SEC22A: variants seen among roughly 807,000 people sequenced by gnomAD.
SEC22A encodes SEC22 homolog A, vesicle trafficking protein, also known as vesicle-trafficking protein SEC22a.
Under a neutral mutation model 35.3 loss-of-function variants are expected in SEC22A, and 22 were observed. The ratio of observed to expected loss-of-function variants is 0.62; its 90% CI spans 0.45 to 0.89. The LOEUF is 0.89. SEC22A is among the 40% of genes least tolerant of loss of function. SEC22A has a pLI of 0.00. For missense variants in SEC22A, 354 were observed against 362.5 expected (o/e 0.98, Z 0.19); for synonymous variants, 119 against 129.5 (o/e 0.92, Z 0.55).
chr3:123,209,733 A>G lies in SEC22A; in HGVS notation c.182+334A>G, dbSNP rs566758341. Among the ~76,000 whole-genome samples the G allele has an allele frequency of 9.2e-5, 14 of 152,330 alleles. 1 individual carries two copies. The highest frequency in any genetic ancestry group is 3.4e-4 in the African/African-American group (14 of 41,568). ...ATTTTTTACCTGATATCTGCCCTCAAAGAACTGAAGCAACTTACGTCTAGT... is the reference window on the plus strand; with the variant it reads ...ATTTTTTACCTGATATCTGCCCTCAGAGAACTGAAGCAACTTACGTCTAGT... On this transcript the variant is annotated intron_variant, in intron 2 of 6. Coordinates refer to ENST00000492595, the MANE Select transcript of SEC22A (RefSeq NM_012430.5).
intron 5 of SEC22A, among the ~76,000 whole-genome samples, chr3:123,250,370 A>G (rs547383962): frequency 6.6e-6 from 1 of 152,256 alleles, no homozygotes; most frequent in African/African-American, 2.4e-5. Flanking sequence ...AGATCGTGCC[A>G]CTGCACTCTC....
chr3:123,240,276 C>T (rs1057031133), intron 4 of SEC22A, among the ~76,000 whole-genome samples: 7 of 152,170 alleles, frequency 4.6e-5, no homozygotes, highest in African/African-American at 1.4e-4. Flanking sequence ...TTCCATCTCC[C>T]CCGAAAAGTT....
intron 1 of SEC22A, 44 bp from the exon 2 acceptor site, chr3:123,209,155 T>G: frequency 6.8e-7 from 1 of 1,471,326 alleles, no homozygotes; most frequent in South Asian, 1.1e-5. Flanking sequence ...TTATCAAGTT[T>G]GGCTTTAATT....
At chr3:123,269,220 T>TATATA (rs1559766312) in intron 6 of SEC22A, among the ~76,000 whole-genome samples, 1 of 150,072 alleles carries the variant, frequency 6.7e-6, no homozygotes, top group Non-Finnish European at 1.5e-5. Context: ...TGTGTGTATA[T>TATATA]ATTACTGGAA....
intron 2 of SEC22A, among the ~76,000 whole-genome samples, chr3:123,212,059 T>C (rs189994928): frequency 1.6e-4 from 24 of 152,040 alleles, no homozygotes; most frequent in Admixed American, 9.8e-4. Context: ...TCTCAAAAAA[T>C]ATATATAAAT....
At chr3:123,257,995 G>GAAAAAAAAAAAAAAAAAAAAAAAAAA in intron 5 of SEC22A, among the ~76,000 whole-genome samples, 1 of 111,482 alleles carries the variant, frequency 9.0e-6, no homozygotes, top group Admixed American at 9.8e-5. Context: ...CCATCTCATT[G>GAAAAAAAAAAAAAAAAAAAAAAAAAA]AAAAAAAAAA....
intron 4 of SEC22A, among the ~76,000 whole-genome samples, chr3:123,237,026 T>G (rs1208614439): frequency 6.6e-6 from 1 of 152,222 alleles, no homozygotes; most frequent in African/African-American, 2.4e-5. Flanking sequence ...GCGAAAACTT[T>G]CGGTCTCTAG....
intron 4 of SEC22A, among the ~76,000 whole-genome samples, chr3:123,241,002 TACACACACACACAC>T (rs35775511): frequency 4.2e-5 from 6 of 142,676 alleles, no homozygotes; most frequent in East Asian, 4.3e-4. Context: ...CTCTCTTTCT[TACACACACACACAC>T]ACACACACAC....
At chr3:123,217,598 C>G (rs1937053959) in intron 2 of SEC22A, among the ~76,000 whole-genome samples, 1 of 152,120 alleles carries the variant, frequency 6.6e-6, no homozygotes, top group Non-Finnish European at 1.5e-5. Context: ...CCCAGGAAAG[C>G]TATTCACTGG....
chr3:123,202,779 G>C (rs965268028), intron 1 of SEC22A, among the ~76,000 whole-genome samples: 6 of 152,182 alleles, frequency 3.9e-5, no homozygotes, highest in Admixed American at 3.9e-4. Flanking sequence ...GCAAAGCCTA[G>C]CCCAGAGCAA....
rs1295014128 is a variant in SEC22A at position 123,233,776 on chromosome 3, A to AGAAG, written c.541+8481_541+8482insAGGA. Among the ~76,000 whole-genome samples the AGAAG allele has an allele frequency of 1.9e-4, 29 of 152,368 alleles. No individual in the cohort carries two copies. The East Asian group carries it at 5.4e-3, about 28-fold the overall frequency. ...GTGAAAGACAGGATGCTTTTTCCTAAGATCCAGGGACAAGACAAAGATGTC... is the reference window on the plus strand; with the variant it reads ...GTGAAAGACAGGATGCTTTTTCCTAAGAAGGATCCAGGGACAAGACAAAGATGTC... On this transcript the variant is annotated intron_variant, in intron 4 of 6. Coordinates refer to ENST00000492595, the MANE Select transcript of SEC22A (RefSeq NM_012430.5).
intron 5 of SEC22A, among the ~76,000 whole-genome samples, chr3:123,247,010 C>T (rs982350690): frequency 2.0e-5 from 3 of 152,164 alleles, no homozygotes; most frequent in African/African-American, 4.8e-5. Flanking sequence ...AGTTCCTCTT[C>T]CAAACACCCT....
intron 2 of SEC22A, among the ~76,000 whole-genome samples, chr3:123,212,144 A>G (rs1936948071): frequency 6.6e-6 from 1 of 152,158 alleles, no homozygotes; most frequent in South Asian, 2.1e-4. Flanking sequence ...ATTCACGTAG[A>G]TGTGGTTGAT....
chr3:123,222,313 C>T (rs921759940), intron 2 of SEC22A, among the ~76,000 whole-genome samples: 2 of 152,092 alleles, frequency 1.3e-5, no homozygotes, highest in South Asian at 2.1e-4. Context: ...ATTCTCCTGC[C>T]TCAGCCTCCT....
At chr3:123,249,740 T>A (rs1937595612) in intron 5 of SEC22A, among the ~76,000 whole-genome samples, 3 of 152,056 alleles carry the variant, frequency 2.0e-5, no homozygotes. Context: ...GTCAGGCTGG[T>A]CTCGAACTCC....
At chr3:123,233,624 A>G (rs1383714695) in intron 4 of SEC22A, among the ~76,000 whole-genome samples, 1 of 151,274 alleles carries the variant, frequency 6.6e-6, no homozygotes, top group Non-Finnish European at 1.5e-5. Context: ...ACAAAATTCA[A>G]CAGCCTTTCA....
chr3:123,268,679 A>G (rs1388074374), intron 6 of SEC22A, among the ~76,000 whole-genome samples: 1 of 152,234 alleles, frequency 6.6e-6, no homozygotes, highest in East Asian at 1.9e-4. Flanking sequence ...CCAGGACTTC[A>G]TATCACATCT....
chr3:123,233,076 G>T (rs1278201010), intron 4 of SEC22A, among the ~76,000 whole-genome samples: 2 of 152,160 alleles, frequency 1.3e-5, no homozygotes, highest in African/African-American at 4.8e-5. Context: ...GCTGCAGTGA[G>T]TAATGATGAC....
chr3:123,228,092 T>C (rs1257680088), intron 4 of SEC22A, among the ~76,000 whole-genome samples: 1 of 152,006 alleles, frequency 6.6e-6, no homozygotes, highest in Non-Finnish European at 1.5e-5. Flanking sequence ...CACATACAAA[T>C]GTGGGAGAAG....
Sources: gnomAD v4.1 joint callset for allele counts (sites outside exome capture counted in the v4.1 genomes callset) on GRCh38, gnomAD v4.1.1 for gene constraint, MANE v1.5 for transcripts, NCBI Gene and HGNC (gene_info 2026-07-23, HGNC 2026-07-21) for gene names.